The following SUGCT variants were observed in gnomAD, a reference collection of about 807,000 sequenced individuals.
SUGCT encodes succinyl-CoA:glutarate CoA-transferase.
In SUGCT, 41 loss-of-function variants were observed where a neutral mutation model predicts 55.0. The observed-to-expected ratio is 0.74, with a 90% confidence interval of 0.58 to 0.97. The LOEUF (loss-of-function observed/expected upper bound fraction) is 0.97, where lower values mean the gene tolerates loss of function less well. SUGCT is among the 50% of genes least tolerant of loss of function. SUGCT has a pLI of 0.00. For missense variants in SUGCT, 568 were observed against 547.8 expected, an observed-to-expected ratio of 1.04 and a Z score of -0.37; for synonymous variants, 187 against 200.4, an observed-to-expected ratio of 0.93 and a Z score of 0.56.
intron 13 of SUGCT, among the ~76,000 whole-genome samples, chr7:40,835,633 A>C (rs1005428019): frequency 3.4e-4 from 52 of 152,214 alleles, no homozygotes; most frequent in African/African-American, 1.2e-3. Context: ...AATTTGGAAG[A>C]ACGTATTTGA....
Position 40,763,024 on chromosome 7 carries a change from C to T in SUGCT, c.1153+13527C>T, listed in dbSNP as rs552829936. 1.6e-4 allele frequency among the ~76,000 whole-genome samples: 24 copies of T among 151,996 alleles called. No individual in the cohort carries two copies. In the South Asian group the frequency reaches 4.6e-3, roughly 29 times the overall value. The stretch of plus-strand genomic sequence containing the variant: ...TAGAGATGGGGTTTCACCATGTTGG[C>T]GAGGCTGGTCATGAACTCCTGACCT... On this transcript the variant is annotated intron_variant, in intron 13 of 13. Transcript: ENST00000335693.
rs74331050 is a variant in SUGCT, at chr7:40,304,247, C to T, written c.721-12513C>T. On this transcript the variant is annotated intron_variant, in intron 8 of 13. Coordinates refer to ENST00000335693, the MANE Select transcript of SUGCT (RefSeq NM_001193313.2). The stretch of plus-strand genomic sequence containing the variant: ...GGAAGGAACAGCCCCTTGGGCTCCA[C>T]GAAATAATGAAAGAAATCTGTAGAA... Among the ~76,000 whole-genome samples, 357 of 152,018 alleles carry T rather than the reference C, an allele frequency of 2.3e-3. 1 individual carries two copies. Among genetic ancestry groups the T allele is most frequent in the African/African-American group, 7.8e-3 (322 of 41,472 alleles).
At chr7:40,581,039 G>A (rs1797061843) in intron 12 of SUGCT, among the ~76,000 whole-genome samples, 1 of 152,176 alleles carries the variant, frequency 6.6e-6, no homozygotes, top group Admixed American at 6.5e-5. Context: ...AGATGCACTA[G>A]CAAGACATTA....
At chr7:40,772,500 A>ATCTC (rs1789162088) in intron 13 of SUGCT, among the ~76,000 whole-genome samples, 2 of 38,206 alleles carry the variant, frequency 5.2e-5, no homozygotes, top group African/African-American at 1.6e-4. Flanking sequence ...TGAAATATCT[A>ATCTC]TCTATCTATC....
intron 13 of SUGCT, among the ~76,000 whole-genome samples, chr7:40,847,411 C>CTTTTTTT (rs981613426): frequency 5.7e-4 from 43 of 75,362 alleles, no homozygotes; most frequent in Non-Finnish European, 6.3e-4. Context: ...TTCTTTCTTT[C>CTTTTTTT]TTTTTTTTTT....
chr7:40,819,671 T>C lies in SUGCT; in HGVS notation c.1154-40645T>C, dbSNP rs979111811. Among the ~76,000 whole-genome samples, 11 of 152,360 alleles carry C rather than the reference T, an allele frequency of 7.2e-5. No individual in the cohort carries two copies. The South Asian group carries it at 1.0e-3, about 14-fold the overall frequency. ...TTCTGGATATTAGCCCTTTGTCAGA[T>C]GGGTAGATTGTAAAAATTTTCTCCC... On this transcript the variant is annotated intron_variant, in intron 13 of 13. Coordinates refer to ENST00000335693, the MANE Select transcript of SUGCT (RefSeq NM_001193313.2).
At chr7:40,301,727 A>G (rs1245333941) in intron 8 of SUGCT, among the ~76,000 whole-genome samples, 1 of 152,232 alleles carries the variant, frequency 6.6e-6, no homozygotes, top group Non-Finnish European at 1.5e-5. Flanking sequence ...TGGATCATAC[A>G]AGTAATCGTC....
At chr7:40,200,253 C>G (rs1156781997) in intron 6 of SUGCT, among the ~76,000 whole-genome samples, 1 of 152,106 alleles carries the variant, frequency 6.6e-6, no homozygotes, top group Non-Finnish European at 1.5e-5. Flanking sequence ...TAGACATTGT[C>G]CTTGCATTTT....
intron 12 of SUGCT, among the ~76,000 whole-genome samples, chr7:40,643,711 C>T (rs1800369271): frequency 6.6e-6 from 1 of 152,150 alleles, no homozygotes; most frequent in Non-Finnish European, 1.5e-5. Context: ...TGGAAGGAGG[C>T]TAATTTTCTT....
chr7:40,513,853 G>A (rs994056397), intron 12 of SUGCT, among the ~76,000 whole-genome samples: 5 of 145,494 alleles, frequency 3.4e-5, no homozygotes, highest in Non-Finnish European at 6.0e-5. Flanking sequence ...GCGGTGGCGC[G>A]ATCTCGGCTC....
At chr7:40,619,255 A>T (rs1799153446) in intron 12 of SUGCT, among the ~76,000 whole-genome samples, 1 of 152,254 alleles carries the variant, frequency 6.6e-6, no homozygotes, top group African/African-American at 2.4e-5. Flanking sequence ...TAATTGAAAC[A>T]TCTACATTAC....
the SUGCT span, among the ~76,000 whole-genome samples, chr7:40,970,596 T>A: frequency 6.6e-6 from 1 of 152,236 alleles, no homozygotes; most frequent in South Asian, 2.1e-4. Flanking sequence ...CCTCATGTGT[T>A]CACGACCAAA....
At chr7:40,531,656 A>G (rs1794093981) in intron 12 of SUGCT, among the ~76,000 whole-genome samples, 1 of 151,604 alleles carries the variant, frequency 6.6e-6, no homozygotes, top group African/African-American at 2.4e-5. Flanking sequence ...ATATTTTAAA[A>G]TATGTATATA....
chr7:40,627,633 G>A (rs966828016), intron 12 of SUGCT, among the ~76,000 whole-genome samples: 1 of 152,212 alleles, frequency 6.6e-6, no homozygotes, highest in Non-Finnish European at 1.5e-5. Flanking sequence ...CTGATTGGTT[G>A]CAAAAAGCAA....
chr7:40,930,885 C>T, the SUGCT span, among the ~76,000 whole-genome samples: 1 of 152,126 alleles, frequency 6.6e-6, no homozygotes, highest in East Asian at 1.9e-4. Flanking sequence ...GATTTGACTT[C>T]CTCTTTTCCT....
intron 9 of SUGCT, among the ~76,000 whole-genome samples, chr7:40,358,511 G>A (rs1797985907): frequency 2.0e-5 from 3 of 152,112 alleles, no homozygotes; most frequent in Non-Finnish European, 2.9e-5. Flanking sequence ...TCAGGAGTTC[G>A]AGCCTAGCCT....
chr7:40,424,622 G>A (rs531239474), intron 9 of SUGCT, among the ~76,000 whole-genome samples: 56 of 152,072 alleles, frequency 3.7e-4, no homozygotes, highest in Non-Finnish European at 6.2e-4. Context: ...AAGTTGCCAC[G>A]GGGCTCAAAT....
At chr7:41,029,986 A>G in the SUGCT span, among the ~76,000 whole-genome samples, 8 of 152,304 alleles carry the variant, frequency 5.3e-5, no homozygotes, top group East Asian at 9.6e-4. Flanking sequence ...CCTTTCCACA[A>G]TGTTATAGAG....
intron 6 of SUGCT, among the ~76,000 whole-genome samples, chr7:40,204,593 C>T (rs546334131): frequency 2.0e-3 from 297 of 152,130 alleles, no homozygotes; most frequent in African/African-American, 6.3e-3. Flanking sequence ...TGAGCCACTG[C>T]ATCCGGCCTG....
Sources: allele counts gnomAD v4.1 joint callset (sites outside exome capture counted in the v4.1 genomes callset), GRCh38; gene constraint gnomAD v4.1.1; transcripts MANE v1.5; gene names NCBI Gene and HGNC (gene_info 2026-07-23, HGNC 2026-07-21).